EPSTI1: variants seen among roughly 807,000 people sequenced by gnomAD.
EPSTI1 encodes epithelial-stromal interaction protein 1.
Under a neutral mutation model 49.9 loss-of-function variants are expected in EPSTI1, and 66 were observed. The ratio of observed to expected loss-of-function variants is 1.32; its 90% CI spans 1.08 to 1.62. The LOEUF (loss-of-function observed/expected upper bound fraction) is 1.62, where lower values mean the gene tolerates loss of function less well. Ranked by LOEUF, EPSTI1 falls within the 40% of genes most tolerant of loss-of-function variation. EPSTI1 has a pLI of 0.00. For synonymous variants in EPSTI1, 137 were observed against 130.7 expected (o/e 1.05, Z -0.33); for missense variants, 394 against 365.5 (o/e 1.08, Z -0.64).
In EPSTI1 at chr13:42,922,016, G is replaced by A. The variant is rs1472454880; in HGVS notation, c.657+4320C>T. Among the ~76,000 whole-genome samples, 2 of 152,192 alleles carry A rather than the reference G, an allele frequency of 1.3e-5. No individual in the cohort carries two copies. The highest frequency in any genetic ancestry group is 3.8e-4 in the East Asian group (2 of 5,196). On this transcript the variant is annotated intron_variant, in intron 7 of 10. Coordinates refer to ENST00000313624, the MANE Select transcript of EPSTI1 (RefSeq NM_033255.5). The surrounding 1 kb of genome is among the most constrained non-coding windows in gnomAD (Gnocchi z 4.8). ...AACTAAGAAAACGCTAAAATAAAAT[G>A]TTTAAAGAGTTGTACAGAAGATATA...
intron 8 of EPSTI1, among the ~76,000 whole-genome samples, chr13:42,911,264 TGCGC>T (rs1555259496): frequency 4.0e-5 from 6 of 148,448 alleles, no homozygotes; most frequent in African/African-American, 1.5e-4. Flanking sequence ...TGTGTGTGTG[TGCGC>T]GCGCACGCGC....
At chr13:42,948,971 C>T (rs1391782912) in intron 6 of EPSTI1, among the ~76,000 whole-genome samples, 5 of 152,110 alleles carry the variant, frequency 3.3e-5, no homozygotes, top group East Asian at 1.9e-4. Flanking sequence ...ATTCTAAATG[C>T]CCCCTCCCTT....
intron 6 of EPSTI1, among the ~76,000 whole-genome samples, chr13:42,935,688 T>C (rs1288355365): frequency 2.0e-5 from 3 of 152,108 alleles, no homozygotes; most frequent in Non-Finnish European, 4.4e-5. Context: ...ATCTCCCAGG[T>C]TCAAGTGATT....
intron 5 of EPSTI1, among the ~76,000 whole-genome samples, chr13:42,955,863 G>A (rs1221679571): frequency 6.1e-5 from 6 of 97,616 alleles, no homozygotes; most frequent in Admixed American, 2.3e-4. Context: ...GTTGATAGTT[G>A]ATGAAGAAGT....
At chr13:42,979,385 TG>T (rs1344855017) in intron 1 of EPSTI1, among the ~76,000 whole-genome samples, 3 of 152,048 alleles carry the variant, frequency 2.0e-5, no homozygotes, top group African/African-American at 7.2e-5. Flanking sequence ...GAGACCATCC[TG>T]GCTAACACGG....
chr13:42,888,426 T>A lies in EPSTI1; in HGVS notation c.*68A>T, dbSNP rs754766257. On this transcript the variant is annotated 3_prime_UTR_variant, in exon 11 of 11. Transcript: ENST00000313624. The stretch of plus-strand genomic sequence containing the variant: ...ACAGTGAGGCTGAACAAAATCACAT[T>A]AAGAAAAAGCATCTCATGAGGCTTT... 3.1e-6 allele frequency: 5 copies of A among 1,613,888 alleles called. No homozygotes were observed. In the African/African-American group the frequency reaches 6.7e-5, roughly 22 times the overall value.
intron 7 of EPSTI1, among the ~76,000 whole-genome samples, chr13:42,924,030 A>C (rs964085304): frequency 3.9e-5 from 6 of 152,220 alleles, no homozygotes; most frequent in Admixed American, 6.5e-5. Context: ...ACCATAGCTA[A>C]AGTAAACTGC....
intron 7 of EPSTI1, among the ~76,000 whole-genome samples, chr13:42,924,680 C>A (rs923133479): frequency 6.6e-6 from 1 of 152,176 alleles, no homozygotes; most frequent in Non-Finnish European, 1.5e-5. Context: ...TCAACTCTTT[C>A]CCCCAGAGCC....
At chr13:42,975,054 T>C (rs1204171594) in intron 1 of EPSTI1, among the ~76,000 whole-genome samples, 1 of 151,832 alleles carries the variant, frequency 6.6e-6, no homozygotes, top group South Asian at 2.1e-4. Context: ...TATATATAAA[T>C]TGAAAAAAAA....
At chr13:42,919,217 TA>T (rs2037924964) in intron 7 of EPSTI1, 1 of 1,327,440 alleles carries the variant, frequency 7.5e-7, no homozygotes, top group East Asian at 2.3e-5. Context: ...AGGTGCCTTA[TA>T]AAGGTCCACA....
At chr13:42,918,042 C>A (rs2037888126) in intron 7 of EPSTI1, among the ~76,000 whole-genome samples, 1 of 152,184 alleles carries the variant, frequency 6.6e-6, no homozygotes, top group African/African-American at 2.4e-5. Flanking sequence ...ATGTCTACTG[C>A]TCATTAATGA....
intron 7 of EPSTI1, among the ~76,000 whole-genome samples, chr13:42,923,158 G>T (rs1386002496): frequency 6.6e-6 from 1 of 152,216 alleles, no homozygotes; most frequent in Non-Finnish European, 1.5e-5. Context: ...TTGTGCCTAA[G>T]CTAAGACATT....
At chr13:42,985,714 G>A (rs560963015) in intron 1 of EPSTI1, among the ~76,000 whole-genome samples, 57 of 152,264 alleles carry the variant, frequency 3.7e-4, no homozygotes, top group Non-Finnish European at 7.5e-4. Flanking sequence ...CAAGAAAATT[G>A]TATAAAATTG....
intron 6 of EPSTI1, 121 bp from the exon 7 acceptor site, chr13:42,926,550 C>A (rs950970646): frequency 1.4e-6 from 1 of 719,720 alleles, no homozygotes; most frequent in African/African-American, 1.7e-5. Flanking sequence ...TTCAGCAGAA[C>A]AGAAAGTTAC....
At chr13:42,925,666 T>C (rs1286303477) in intron 7 of EPSTI1, among the ~76,000 whole-genome samples, 1 of 152,256 alleles carries the variant, frequency 6.6e-6, no homozygotes, top group Non-Finnish European at 1.5e-5. Flanking sequence ...TACATAACTC[T>C]TCTTCCGCAA....
At chr13:42,916,263 A>G (rs2037827109) in intron 8 of EPSTI1, among the ~76,000 whole-genome samples, 1 of 74,254 alleles carries the variant, frequency 1.3e-5, no homozygotes, top group African/African-American at 3.2e-5. Flanking sequence ...AGACAAAAAG[A>G]TATTTATTTA....
At position 42,919,092 on chromosome 13, in the gene EPSTI1, A is replaced by T. The variant is rs544596292; in HGVS notation, c.658-1468T>A. ...TTACAACTTGAATGAGAGTATCTAA[A>T]TTCTATTTGAATAGCCTCCCTTTAA... is the stretch of plus-strand genomic sequence containing the variant. On this transcript the variant is annotated intron_variant, in intron 7 of 10. Coordinates refer to ENST00000313624, the MANE Select transcript of EPSTI1 (RefSeq NM_033255.5). Among the ~76,000 whole-genome samples the T allele has an allele frequency of 3.3e-5, 5 of 152,312 alleles. No individual in the cohort carries two copies. The East Asian group carries it at 9.6e-4, about 29-fold the overall frequency.
At chr13:42,926,215 G>C (rs1052462709) in intron 7 of EPSTI1, 121 bp downstream of exon 7, 1 of 720,662 alleles carries the variant, frequency 1.4e-6, no homozygotes, top group Non-Finnish European at 2.6e-6. Context: ...TTTCGGATCA[G>C]GTCATCTGTC....
chr13:42,910,813 T>C (rs1288527632), intron 8 of EPSTI1, among the ~76,000 whole-genome samples: 1 of 152,204 alleles, frequency 6.6e-6, no homozygotes, highest in Non-Finnish European at 1.5e-5. Context: ...ATTCCCAGAA[T>C]AATACTGGGT....
Sources: allele counts gnomAD v4.1 joint callset (sites outside exome capture counted in the v4.1 genomes callset), GRCh38; gene constraint gnomAD v4.1.1; non-coding constraint Gnocchi (gnomAD v3.1); transcripts MANE v1.5; gene names NCBI Gene and HGNC (gene_info 2026-07-23, HGNC 2026-07-21).